Variants in PDE4B observed in about 807,000 individuals in gnomAD.
PDE4B encodes 3',5'-cyclic-AMP phosphodiesterase 4B.
Under a neutral mutation model 82.2 loss-of-function variants are expected in PDE4B, and 20 were observed. The ratio of observed to expected loss-of-function variants is 0.24; its 90% CI spans 0.17 to 0.35. The LOEUF is 0.35. PDE4B is among the 10% of genes least tolerant of loss of function. The pLI is 1.00. For missense variants in PDE4B, 655 were observed against 907.2 expected, an observed-to-expected ratio of 0.72 and a Z score of 3.57; for synonymous variants, 320 against 318.9, an observed-to-expected ratio of 1.00 and a Z score of -0.04.
chr1:65,810,283 G>A (rs947557791), intron 1 of PDE4B, among the ~76,000 whole-genome samples: 1 of 152,162 alleles, frequency 6.6e-6, no homozygotes, highest in African/African-American at 2.4e-5. Context: ...TTCCTCTGGA[G>A]GAAGGTAACT....
intron 8 of PDE4B, among the ~76,000 whole-genome samples, chr1:66,353,282 A>C (rs1661977904): frequency 2.0e-5 from 3 of 152,236 alleles, no homozygotes; most frequent in Admixed American, 1.3e-4. Flanking sequence ...ATACGCAAGC[A>C]GGGTTACCCA....
rs72918302 is a variant in PDE4B at position 66,073,115 on chromosome 1, G to A, written c.281+154280G>A. On this transcript the variant is annotated intron_variant, in intron 3 of 16. Transcript: ENST00000341517. Reference sequence around the variant, plus strand: ...TCGCTGGGGTTTGATGGCCAGGCCTGCCGGATCTTGTGATTCTCTGGGACA... The same window carrying A: ...TCGCTGGGGTTTGATGGCCAGGCCTACCGGATCTTGTGATTCTCTGGGACA... Among the ~76,000 whole-genome samples the A allele has an allele frequency of 8.7e-3, 1,319 of 151,908 alleles. 19 individuals are homozygous for A. The highest frequency in any genetic ancestry group is 0.03 in the African/African-American group (1,235 of 41,396).
intron 7 of PDE4B, among the ~76,000 whole-genome samples, chr1:66,308,979 C>T (rs1212979577): frequency 1.3e-5 from 2 of 152,082 alleles, no homozygotes. Flanking sequence ...AAATTTAGTG[C>T]AATTTACACA....
At chr1:66,139,749 A>AAC (rs1553150717) in intron 3 of PDE4B, among the ~76,000 whole-genome samples, 5 of 149,572 alleles carry the variant, frequency 3.3e-5, no homozygotes, top group African/African-American at 1.2e-4. Flanking sequence ...AAAAAAAAAA[A>AAC]AAACAAAAAA....
chr1:66,204,032 A>C (rs1159729613), intron 3 of PDE4B, among the ~76,000 whole-genome samples: 1 of 152,102 alleles, frequency 6.6e-6, no homozygotes, highest in Non-Finnish European at 1.5e-5. Flanking sequence ...TTTAGTGTGG[A>C]TGTCCTTTCT....
intron 7 of PDE4B, among the ~76,000 whole-genome samples, chr1:66,268,811 A>T (rs1357376599): frequency 2.0e-5 from 3 of 150,532 alleles, no homozygotes; most frequent in Non-Finnish European, 3.0e-5. Context: ...AAGACATCTT[A>T]TTTTTTTTTA....
chr1:66,223,348 G>A (rs1244483183), intron 3 of PDE4B, among the ~76,000 whole-genome samples: 1 of 152,104 alleles, frequency 6.6e-6, no homozygotes, highest in Non-Finnish European at 1.5e-5. Flanking sequence ...AGGACCTTAA[G>A]GAAAAGGCTG....
chr1:66,194,169 C>T (rs1423473619), intron 3 of PDE4B, among the ~76,000 whole-genome samples: 4 of 152,066 alleles, frequency 2.6e-5, no homozygotes, highest in African/African-American at 9.7e-5. Flanking sequence ...ATTCAGCTCT[C>T]ATCCTAAAGC....
intron 3 of PDE4B, among the ~76,000 whole-genome samples, chr1:66,079,167 T>TCTCC (rs1491494955): frequency 1.7e-4 from 1 of 5,762 alleles, no homozygotes; most frequent in African/African-American, 4.5e-4. Flanking sequence ...CTGCTTCTTT[T>TCTCC]CTCTCTCTCT....
chr1:66,036,381 T>G (rs1229447599), intron 3 of PDE4B, among the ~76,000 whole-genome samples: 2 of 152,170 alleles, frequency 1.3e-5, no homozygotes, highest in Non-Finnish European at 2.9e-5. Context: ...TGGGGTCATA[T>G]CCAAGAAATT....
At chr1:66,030,329 T>C (rs1653702621) in intron 3 of PDE4B, among the ~76,000 whole-genome samples, 2 of 152,270 alleles carry the variant, frequency 1.3e-5, no homozygotes, top group African/African-American at 2.4e-5. Flanking sequence ...CAGTGTGTCT[T>C]TGCCAGATTT....
At chr1:66,201,008 G>A (rs889930226) in intron 3 of PDE4B, among the ~76,000 whole-genome samples, 1 of 152,104 alleles carries the variant, frequency 6.6e-6, no homozygotes, top group Non-Finnish European at 1.5e-5. Flanking sequence ...TTATTATTTT[G>A]AGATACATCC....
At chr1:66,197,259 A>G (rs1024844566) in intron 3 of PDE4B, among the ~76,000 whole-genome samples, 5 of 152,138 alleles carry the variant, frequency 3.3e-5, no homozygotes, top group African/African-American at 1.2e-4. Flanking sequence ...TTTAAAAAGC[A>G]TACATTTTAT....
intron 1 of PDE4B, among the ~76,000 whole-genome samples, chr1:65,813,847 T>A (rs1645846744): frequency 7.0e-6 from 1 of 142,226 alleles, no homozygotes; most frequent in Non-Finnish European, 1.5e-5. Context: ...TGAATTAGAA[T>A]GTAGCTTTGA....
chr1:65,976,588 C>T (rs1650419233), intron 3 of PDE4B, among the ~76,000 whole-genome samples: 2 of 152,076 alleles, frequency 1.3e-5, no homozygotes, highest in African/African-American at 4.8e-5. Flanking sequence ...GTGTCCCCAA[C>T]CAAATCTCAT....
rs377670044 is a variant in PDE4B, at chr1:65,843,454, G to A, written c.-71+50206G>A. ...AAAATTTCCCACTACCAAATGCCAT[G>A]GGTGGTTATGAGAAGCACCTCTTGT... On this transcript the variant is annotated intron_variant, in intron 1 of 16. Coordinates refer to ENST00000341517, the MANE Select transcript of PDE4B (RefSeq NM_002600.4). Among the ~76,000 whole-genome samples the A allele has an allele frequency of 8.5e-5, 13 of 152,234 alleles. No homozygotes were observed. The South Asian group carries it at 2.7e-3, about 32-fold the overall frequency.
intron 3 of PDE4B, among the ~76,000 whole-genome samples, chr1:66,067,777 A>G (rs1050404966): frequency 3.3e-5 from 5 of 151,894 alleles, no homozygotes; most frequent in Non-Finnish European, 7.4e-5. Flanking sequence ...CCTATGTCCT[A>G]TGTCCTGAAT....
At chr1:66,294,129 C>A (rs879605505) in intron 7 of PDE4B, among the ~76,000 whole-genome samples, 1 of 152,066 alleles carries the variant, frequency 6.6e-6, no homozygotes, top group African/African-American at 2.4e-5. Context: ...TCACTTGAAC[C>A]CAGGAGGCGG....
At chr1:66,330,175 A>G (rs1570704172) in intron 7 of PDE4B, among the ~76,000 whole-genome samples, 2 of 152,208 alleles carry the variant, frequency 1.3e-5, no homozygotes, top group East Asian at 3.8e-4. Flanking sequence ...CCTAACTAAC[A>G]TTGCTTCAAA....
Sources: gnomAD v4.1 joint callset for allele counts (sites outside exome capture counted in the v4.1 genomes callset) on GRCh38, gnomAD v4.1.1 for gene constraint, MANE v1.5 for transcripts, NCBI Gene and HGNC (gene_info 2026-07-23, HGNC 2026-07-21) for gene names.